SAMD7: variants seen among roughly 807,000 people sequenced by gnomAD.
SAMD7 encodes sterile alpha motif domain-containing protein 7.
Under a neutral mutation model 36.7 loss-of-function variants are expected in SAMD7, and 34 were observed. That is an observed-to-expected ratio of 0.93 (90% CI 0.71 to 1.23). The LOEUF (loss-of-function observed/expected upper bound fraction) is 1.23, where lower values mean the gene tolerates loss of function less well. SAMD7 is among the 50% of genes most tolerant of loss of function. The pLI is 0.00. For missense variants in SAMD7, 570 were observed against 546.6 expected (o/e 1.04, Z -0.43); for synonymous variants, 188 against 189.7 (o/e 0.99, Z 0.07).
At chr3:169,919,618 A>C (rs776513056) in intron 3 of SAMD7, 34 bp downstream of exon 3, 1 of 1,439,504 alleles carries the variant, frequency 6.9e-7, no homozygotes, top group Non-Finnish European at 9.8e-7. Flanking sequence ...TTGATCAAAG[A>C]ACAACATGGA....
chr3:169,916,677 G>A (rs185165089), intron 2 of SAMD7, among the ~76,000 whole-genome samples: 1 of 152,218 alleles, frequency 6.6e-6, no homozygotes, highest in Admixed American at 6.5e-5. Context: ...AATAGAGCCT[G>A]TAACATCAAA....
At chr3:169,912,031 C>T (rs112599225) in intron 1 of SAMD7, among the ~76,000 whole-genome samples, 144 of 152,270 alleles carry the variant, frequency 9.5e-4, no homozygotes, top group African/African-American at 3.3e-3. Flanking sequence ...ATATACCACT[C>T]CTACCAAATA....
Position 169,928,498 on chromosome 3 carries a change from G to A in SAMD7, c.961G>A (p.Asp321Asn), listed in dbSNP as rs1249146705. 1.2e-6 allele frequency: 2 copies of A among 1,613,412 alleles called. No individual in the cohort carries two copies. Among genetic ancestry groups the A allele is most frequent in the African/African-American group, 2.7e-5 (2 of 75,026 alleles). The change falls in exon 7 of 9, where the codon GAT becomes AAT. Residue 321 changes from aspartate to asparagine, a missense_variant. Physicochemically the swap from Asp to Asn is conservative, Grantham distance 23. Coordinates refer to ENST00000335556, the MANE Select transcript of SAMD7 (RefSeq NM_001304366.2). ...LVTIGGNLSLDEDIQKWTVDD... is the reference protein window; with the variant it reads ...LVTIGGNLSLNEDIQKWTVDD... The stretch of plus-strand genomic sequence containing the variant: ...TACAATTGGGGGGAATCTTTCTTTG[G>A]ATGAAGATATTCAGAAGTGGACCGT...
chr3:169,913,071 C>G (rs1162751594), intron 1 of SAMD7, among the ~76,000 whole-genome samples: 3 of 152,162 alleles, frequency 2.0e-5, no homozygotes, highest in African/African-American at 7.2e-5. Flanking sequence ...GTAAAAATTG[C>G]TCTCATTTTA....
rs1425556081 is a variant in SAMD7, at chr3:169,928,525, G to A, written c.988G>A (p.Asp330Asn). 3 of 1,613,868 alleles carry A rather than the reference G, an allele frequency of 1.9e-6. No individual in the cohort carries two copies. Among genetic ancestry groups the A allele is most frequent in the East Asian group, 2.2e-5 (1 of 44,902 alleles). Reference sequence around the variant, plus strand: ...TGAAGATATTCAGAAGTGGACCGTGGATGATGTGCACAGCTTCATTCGCAG... The same window carrying A: ...TGAAGATATTCAGAAGTGGACCGTGAATGATGTGCACAGCTTCATTCGCAG... ...LDEDIQKWTV[D>N]DVHSFIRSLP... is the part of the protein sequence containing the mutation. Residue 330 changes from aspartate (D) to asparagine (N), a missense_variant, in exon 7 of 9, where the codon GAT becomes AAT. By Grantham distance (23) the Asp-to-Asn change is conservative. Coordinates refer to ENST00000335556, the MANE Select transcript of SAMD7 (RefSeq NM_001304366.2).
At chr3:169,935,520 TTTTG>T (rs913681953) in intron 7 of SAMD7, among the ~76,000 whole-genome samples, 6 of 152,156 alleles carry the variant, frequency 3.9e-5, no homozygotes, top group African/African-American at 1.4e-4. Flanking sequence ...TTTTGTTTTG[TTTTG>T]TTTTTTTAGT....
chr3:169,915,217 G>A (rs1294379988), intron 1 of SAMD7, 150 bp from the exon 2 acceptor site: 1 of 152,260 alleles, frequency 6.6e-6, no homozygotes, highest in East Asian at 1.9e-4. Flanking sequence ...CAGCAGGGTT[G>A]AGCACCAGTT....
intron 2 of SAMD7, 106 bp from the exon 3 acceptor site, chr3:169,919,352 C>T (rs1429165396): frequency 1.4e-5 from 9 of 649,214 alleles, no homozygotes; most frequent in Non-Finnish European, 1.4e-5. Context: ...GCTAGTCTTC[C>T]CAAGTGTTGT....
chr3:169,930,086 T>C (rs570840425), intron 7 of SAMD7, among the ~76,000 whole-genome samples: 68 of 152,318 alleles, frequency 4.5e-4, no homozygotes, highest in African/African-American at 1.5e-3. Context: ...TTCTTAGTGA[T>C]CCATAGTCAG....
chr3:169,926,678 A>G lies in SAMD7; in HGVS notation c.416A>G (p.Tyr139Cys). The G allele has an allele frequency of 6.2e-7, 1 of 1,614,002 alleles. No individual in the cohort carries two copies. The highest frequency in any genetic ancestry group is 1.6e-4 in the Middle Eastern group (1 of 6,062). ...AGTGTCCCAGCTGCCCCCGCTGCCT[A>G]CCATGGCAGGAGCATGCTCCCTGCC... is the stretch of plus-strand genomic sequence containing the variant. ...GSSVPAAPAA[Y>C]HGRSMLPAGD... Residue 139 changes from tyrosine (Y) to cysteine (C), a missense_variant, in exon 6 of 9, where the codon TAC (tyrosine) becomes TGC (cysteine). Transcript: ENST00000335556.
intron 2 of SAMD7, among the ~76,000 whole-genome samples, chr3:169,916,267 G>T (rs887596638): frequency 3.3e-5 from 5 of 152,164 alleles, no homozygotes; most frequent in African/African-American, 1.2e-4. Context: ...AGAGGCTAGG[G>T]GGTGATGGAA....
chr3:169,927,387 C>T (rs1257422848), intron 6 of SAMD7, among the ~76,000 whole-genome samples: 2 of 146,822 alleles, frequency 1.4e-5, no homozygotes, highest in African/African-American at 2.5e-5. Context: ...CTCCGCCTGC[C>T]GGGTTCACGC....
intron 3 of SAMD7, 49 bp downstream of exon 3, chr3:169,919,633 C>T: frequency 7.3e-7 from 1 of 1,373,062 alleles, no homozygotes; most frequent in Non-Finnish European, 1.0e-6. Flanking sequence ...CATGGACAAT[C>T]ATTACGTTTT....
At chr3:169,923,660 T>A (rs1313539278) in intron 4 of SAMD7, among the ~76,000 whole-genome samples, 2 of 152,220 alleles carry the variant, frequency 1.3e-5, no homozygotes, top group African/African-American at 4.8e-5. Flanking sequence ...GAGAATCACT[T>A]GAACACGGGA....
In SAMD7 at chr3:169,928,486, A is replaced by T. The variant is rs1195386034; in HGVS notation, c.949A>T (p.Asn317Tyr). 1 of 1,612,976 alleles carries T rather than the reference A, an allele frequency of 6.2e-7. No homozygotes were observed. Among genetic ancestry groups the T allele is most frequent in the Non-Finnish European group, 8.5e-7 (1 of 1,178,940 alleles). ...ACATGCACTGGTTACAATTGGGGGG[A>T]ATCTTTCTTTGGATGAAGATATTCA... ...GTHALVTIGG[N>Y]LSLDEDIQKW... The change falls in exon 7 of 9, where the codon AAT (asparagine) becomes TAT (tyrosine). Residue 317 changes from asparagine to tyrosine, a missense_variant. Physicochemically the swap from Asn to Tyr is moderately radical, Grantham distance 143 (BLOSUM62 -2). Coordinates refer to ENST00000335556, the MANE Select transcript of SAMD7 (RefSeq NM_001304366.2).
chr3:169,914,791 T>C (rs1369567621), intron 1 of SAMD7, among the ~76,000 whole-genome samples: 1 of 152,198 alleles, frequency 6.6e-6, no homozygotes, highest in Non-Finnish European at 1.5e-5. Context: ...TGCTGTTTTG[T>C]TGCAGACAAT....
chr3:169,923,348 A>G (rs1713127148), intron 4 of SAMD7, among the ~76,000 whole-genome samples: 1 of 152,200 alleles, frequency 6.6e-6, no homozygotes, highest in African/African-American at 2.4e-5. Context: ...GGACCAAAGG[A>G]GACAGTCCAA....
In SAMD7 at chr3:169,936,442, A is replaced by G. The variant is rs1713720894; in HGVS notation, c.1145A>G (p.Gln382Arg). 7 of 1,586,996 alleles carry G rather than the reference A, an allele frequency of 4.4e-6. No homozygotes were observed. The South Asian group carries it at 7.8e-5, about 18-fold the overall frequency. The part of the protein sequence containing the change: ...GLKLGPALKI[Q>R]SQVSQHVGSM... ...AAGCTAGGGCCGGCACTAAAAATTC[A>G]GTCACAGGTATGGTGATTTTATATA... Residue 382 changes from glutamine (Q) to arginine (R), a missense_variant, in exon 8 of 9, where the codon CAG becomes CGG. Physicochemically the swap from Gln to Arg is conservative, Grantham distance 43 (BLOSUM62 1). Coordinates refer to ENST00000335556, the MANE Select transcript of SAMD7 (RefSeq NM_001304366.2).
chr3:169,930,575 TTTC>T (rs201418189), intron 7 of SAMD7, among the ~76,000 whole-genome samples: 1,529 of 117,868 alleles, frequency 0.013, 27 homozygotes, highest in African/African-American at 0.026. Flanking sequence ...GCCCCTTTCT[TTTC>T]TTTTTTTTTT....
Sources: allele counts gnomAD v4.1 joint callset (sites outside exome capture counted in the v4.1 genomes callset), GRCh38; gene constraint gnomAD v4.1.1; transcripts MANE v1.5; gene names NCBI Gene and HGNC (gene_info 2026-07-23, HGNC 2026-07-21).